MYH14: variants seen among roughly 807,000 people sequenced by gnomAD.
The protein encoded by MYH14 is myosin-14.
In MYH14, 123 loss-of-function variants were observed where a neutral mutation model predicts 255.5. The observed-to-expected ratio is 0.48, with a 90% CI of 0.42 to 0.56. The LOEUF (loss-of-function observed/expected upper bound fraction) is 0.56. MYH14 is among the 20% of genes least tolerant of loss of function. MYH14 has a pLI of 0.00. For synonymous variants in MYH14, 1,095 were observed against 1,161.2 expected (o/e 0.94, Z 1.16); for missense variants, 2,423 against 2,802.3 (o/e 0.86, Z 3.06).
chr19:50,306,912 T>C, intron 40 of MYH14, 137 bp from the exon 41 acceptor site: 2 of 681,712 alleles, frequency 2.9e-6, no homozygotes, highest in African/African-American at 3.5e-5. Context: ...CTCAGTAAAC[T>C]GTGGGAACCA....
intron 2 of MYH14, among the ~76,000 whole-genome samples, chr19:50,214,193 G>C (rs1268417437): frequency 6.6e-6 from 1 of 152,136 alleles, no homozygotes; most frequent in Non-Finnish European, 1.5e-5. Flanking sequence ...ACCTTATGTA[G>C]GAAGCACTAT....
At position 50,280,295 on chromosome 19, in the gene MYH14, C is replaced by T. The variant is rs1441998308; in HGVS notation, c.4202C>T (p.Ala1401Val). 2.7e-5 allele frequency: 42 copies of T among 1,551,122 alleles called. No homozygotes were observed. Among genetic ancestry groups the T allele is most frequent in the Non-Finnish European group, 3.5e-5 (40 of 1,146,908 alleles). Residue 1401 changes from alanine to valine, a missense_variant, in exon 32 of 43, where the codon GCT becomes GTT. Transcript: ENST00000642316. This position sits in a 1 kb window ranked among gnomAD's most constrained non-coding sequence, Gnocchi z 4.8. ...GGGTCCCGGGTGCGAGCCATGGAGG[C>T]TGAGGCAGCCGGGCTGCGTGAGCAG... ...ALGSRVRAMEAEAAGLREQLE... is the reference protein window; with the variant it reads ...ALGSRVRAMEVEAAGLREQLE...
intron 39 of MYH14, among the ~76,000 whole-genome samples, chr19:50,295,251 G>C (rs1038298278): frequency 3.3e-5 from 5 of 151,882 alleles, no homozygotes; most frequent in African/African-American, 1.2e-4. Context: ...CATGAACCCG[G>C]GAGGCAGAGC....
At chr19:50,208,608 A>G (rs943377409) in intron 1 of MYH14, among the ~76,000 whole-genome samples, 16 of 152,334 alleles carry the variant, frequency 1.1e-4, no homozygotes, top group Admixed American at 7.8e-4. Flanking sequence ...CAGCTCTGTC[A>G]AATAGCAATA....
In MYH14 at chr19:50,297,585, C is replaced by A. The variant is rs149145550; in HGVS notation, c.5469+3898C>A. 6.4e-3 allele frequency among the ~76,000 whole-genome samples: 948 copies of A among 147,476 alleles called. 13 individuals carry two copies. Among genetic ancestry groups the A allele is most frequent in the African/African-American group, 0.021 (835 of 39,774 alleles). On this transcript the variant is annotated intron_variant, in intron 39 of 42. Coordinates refer to ENST00000642316, the MANE Select transcript of MYH14 (RefSeq NM_001145809.2). Reference sequence around the variant, plus strand: ...TGATCTTAGCTCACTGCAACCTTCACCTCCCGGGTTCAAGCGATTCTCCTG... The same window carrying A: ...TGATCTTAGCTCACTGCAACCTTCAACTCCCGGGTTCAAGCGATTCTCCTG...
In MYH14 at chr19:50,310,006, T is replaced by C. The variant is rs627491; in HGVS notation, c.*216T>C. The C allele has an allele frequency of 1.5e-6, 1 of 649,734 alleles. No homozygotes were observed. Among genetic ancestry groups the C allele is most frequent in the Non-Finnish European group, 2.7e-6 (1 of 367,646 alleles). The allele number at this position is 649,734 out of a possible 1,614,324, so 40.2% of individuals were successfully genotyped here. A position where few individuals can be genotyped will look rare whatever the true frequency, so the allele number is the denominator to read the frequency against. On this transcript the variant is annotated 3_prime_UTR_variant, in exon 43 of 43. Transcript: ENST00000642316. ...AGGAGCGGGGCAGGCAGGGAGGCAA[T>C]GACTGGAGCTACCTTGCTTGTTGGG...
intron 34 of MYH14, among the ~76,000 whole-genome samples, chr19:50,288,185 G>C (rs1465195878): frequency 6.6e-6 from 1 of 152,212 alleles, no homozygotes; most frequent in African/African-American, 2.4e-5. Flanking sequence ...CCTCACTAAT[G>C]ATGGGAGGCA....
intron 40 of MYH14, among the ~76,000 whole-genome samples, chr19:50,302,284 T>TAAAAAAAAA (rs57153887): frequency 2.6e-4 from 30 of 117,382 alleles, no homozygotes; most frequent in African/African-American, 9.7e-4. Context: ...ACCTTGTCTC[T>TAAAAAAAAA]AAAAAAAAAA....
rs981376371 is a variant in MYH14, at chr19:50,252,108, A to G, written c.1831-531A>G. Among the ~76,000 whole-genome samples, 16 of 151,220 alleles carry G rather than the reference A, an allele frequency of 1.1e-4. No homozygotes were observed. Among genetic ancestry groups the G allele is most frequent in the African/African-American group, 3.9e-4 (16 of 41,146 alleles). On this transcript the variant is annotated intron_variant, in intron 15 of 42. Transcript: ENST00000642316. This position sits in a 1 kb window ranked among gnomAD's most constrained non-coding sequence, Gnocchi z 4.2. ...GTTTCTTCCCCAGACATACTCCAGA[A>G]CTCCCCCTGTACCCAGCCCTCTGCT...
At chr19:50,279,518 A>G (rs529856505) in intron 30 of MYH14, among the ~76,000 whole-genome samples, 1 of 152,258 alleles carries the variant, frequency 6.6e-6, no homozygotes, top group Admixed American at 6.5e-5. Context: ...CTGTAATCCT[A>G]GCTACTTGGG....
chr19:50,233,145 C>T (rs964440252), intron 10 of MYH14, among the ~76,000 whole-genome samples: 6 of 151,386 alleles, frequency 4.0e-5, no homozygotes, highest in East Asian at 1.9e-4. Context: ...TCATCACCCC[C>T]GTGTCAGGGT....
At chr19:50,308,416 C>T (rs2036725959) in intron 41 of MYH14, 1 of 152,298 alleles carries the variant, frequency 6.6e-6, no homozygotes, top group East Asian at 1.9e-4. Context: ...TTCCAACCCT[C>T]TGCTGATGTG....
chr19:50,292,204 G>T (rs2036099216), intron 36 of MYH14, 57 bp from the exon 37 acceptor site: 1 of 1,503,544 alleles, frequency 6.7e-7, no homozygotes, highest in Admixed American at 2.3e-5. Flanking sequence ...GGGGGTGGAG[G>T]AGTTCCCTGT....
At chr19:50,295,711 AG>A (rs2036242791) in intron 39 of MYH14, among the ~76,000 whole-genome samples, 1 of 151,482 alleles carries the variant, frequency 6.6e-6, no homozygotes, top group Non-Finnish European at 1.5e-5. Flanking sequence ...GGATCACCTG[AG>A]CCCAGGGAGG....
intron 22 of MYH14, among the ~76,000 whole-genome samples, chr19:50,263,647 T>A (rs1011369012): frequency 6.6e-5 from 10 of 152,192 alleles, no homozygotes; most frequent in African/African-American, 1.4e-4. Flanking sequence ...GGGCTGCACC[T>A]GGATCCAGGG....
chr19:50,292,143 G>C, intron 36 of MYH14, 118 bp from the exon 37 acceptor site: 2 of 1,103,480 alleles, frequency 1.8e-6, no homozygotes, highest in Non-Finnish European at 2.5e-6. Context: ...GCAGGGTTCG[G>C]AGAGTTCCCT....
intron 35 of MYH14, among the ~76,000 whole-genome samples, chr19:50,289,997 A>G (rs2036017810): frequency 6.6e-6 from 1 of 151,934 alleles, no homozygotes; most frequent in South Asian, 2.1e-4. Flanking sequence ...GTACCCAATC[A>G]TACATCCTCC....
At chr19:50,302,699 G>A (rs181370531) in intron 40 of MYH14, among the ~76,000 whole-genome samples, 3 of 152,136 alleles carry the variant, frequency 2.0e-5, no homozygotes, top group South Asian at 2.1e-4. Context: ...TCGGGAGTTC[G>A]AGACCAGCCT....
intron 19 of MYH14, among the ~76,000 whole-genome samples, chr19:50,259,519 G>A (rs1823231430): frequency 6.6e-6 from 1 of 152,180 alleles, no homozygotes; most frequent in Non-Finnish European, 1.5e-5. Flanking sequence ...TGCTGTTTAG[G>A]GCAGTAGGCC....
Sources: allele counts gnomAD v4.1 joint callset (sites outside exome capture counted in the v4.1 genomes callset), GRCh38; gene constraint gnomAD v4.1.1; non-coding constraint Gnocchi (gnomAD v3.1); transcripts MANE v1.5; gene names NCBI Gene and HGNC (gene_info 2026-07-23, HGNC 2026-07-21).